The following RNF125 variants were observed in gnomAD, a reference collection of about 807,000 sequenced individuals.
RNF125 encodes ring finger protein 125, also known as E3 ubiquitin-protein ligase RNF125.
Under a neutral mutation model 26.0 loss-of-function variants are expected in RNF125, and 21 were observed. The observed-to-expected ratio is 0.81, with a 90% CI of 0.57 to 1.16. The LOEUF (loss-of-function observed/expected upper bound fraction) is 1.16, where lower values mean the gene tolerates loss of function less well. Among genes scored for constraint, RNF125 ranks in the 50% most tolerant of loss-of-function variants. The probability of loss-of-function intolerance (pLI) is 0.00; values close to 1 mark genes in which losing one functional copy is unlikely to be tolerated. For synonymous variants in RNF125, 95 were observed against 109.2 expected, an observed-to-expected ratio of 0.87 and a Z score of 0.81; for missense variants, 270 against 299.4, an observed-to-expected ratio of 0.90 and a Z score of 0.72.
chr18:32,036,542 A>G (rs1436636859), intron 1 of RNF125, among the ~76,000 whole-genome samples: 2 of 147,582 alleles, frequency 1.4e-5, no homozygotes, highest in South Asian at 2.2e-4. Flanking sequence ...ACCAGAGAAC[A>G]TATTTCTTGA....
the RNF125 span, among the ~76,000 whole-genome samples, chr18:32,078,389 G>C: frequency 2.0e-4 from 30 of 147,794 alleles, no homozygotes; most frequent in African/African-American, 7.0e-4. Flanking sequence ...GTTAAATAGT[G>C]GCACTTTTTG....
intron 4 of RNF125, among the ~76,000 whole-genome samples, chr18:32,051,987 C>G (rs192680038): frequency 7.9e-5 from 12 of 152,028 alleles, no homozygotes; most frequent in African/African-American, 2.4e-4. Context: ...CACGTCCAGC[C>G]TGAGTTCTAT....
chr18:32,042,147 AGT>A (rs1282013153), intron 2 of RNF125, 30 bp from the exon 3 acceptor site: 2 of 1,500,974 alleles, frequency 1.3e-6, no homozygotes, highest in East Asian at 2.3e-5. Context: ...CTTTTTTAAC[AGT>A]GAGTTTATTT....
chr18:32,079,452 T>C, the RNF125 span, among the ~76,000 whole-genome samples: 1 of 152,198 alleles, frequency 6.6e-6, no homozygotes, highest in Non-Finnish European at 1.5e-5. Flanking sequence ...GGCTAAAAAA[T>C]GGATGAGACT....
At chr18:32,028,729 T>A (rs912937845) in intron 1 of RNF125, among the ~76,000 whole-genome samples, 4 of 151,784 alleles carry the variant, frequency 2.6e-5, no homozygotes, top group Admixed American at 2.6e-4. Flanking sequence ...ATTTTTGTAT[T>A]TTTTAGTAGA....
chr18:32,031,118 C>T (rs2039089342), intron 1 of RNF125: 1 of 152,008 alleles, frequency 6.6e-6, no homozygotes, highest in Non-Finnish European at 1.5e-5. Context: ...CATGCTTGAA[C>T]TTTGGGGGGA....
At chr18:32,079,669 T>C in the RNF125 span, among the ~76,000 whole-genome samples, 7 of 152,216 alleles carry the variant, frequency 4.6e-5, no homozygotes, top group Admixed American at 4.6e-4. Context: ...TTACACAAGA[T>C]GTTCTTAATG....
intron 1 of RNF125, among the ~76,000 whole-genome samples, chr18:32,026,242 C>CTTTTTTTTTTTTT (rs1181390375): frequency 5.5e-5 from 4 of 73,140 alleles, no homozygotes; most frequent in Non-Finnish European, 9.7e-5. Context: ...AGCACCCGGT[C>CTTTTTTTTTTTTT]TTTTTTTTTT....
chr18:32,043,257 G>T (rs1598816278), intron 3 of RNF125, among the ~76,000 whole-genome samples: 1 of 152,126 alleles, frequency 6.6e-6, no homozygotes, highest in Non-Finnish European at 1.5e-5. Context: ...ACCAAATAAA[G>T]TGATCTGTGC....
At chr18:32,090,665 C>A in the RNF125 span, among the ~76,000 whole-genome samples, 1 of 152,156 alleles carries the variant, frequency 6.6e-6, no homozygotes, top group African/African-American at 2.4e-5. Flanking sequence ...TTGGCAAATA[C>A]CATTTTTTCT....
rs1013111266 is a variant in RNF125 at position 32,072,053 on chromosome 18, A to C, written c.*3669A>C. 6.6e-6 allele frequency: 1 copy of C among 152,198 alleles called. No individual in the cohort carries two copies. Among genetic ancestry groups the C allele is most frequent in the Non-Finnish European group, 1.5e-5 (1 of 68,156 alleles). 9.4% of individuals were successfully genotyped at this position (152,198 alleles called of 1,614,324 possible). A position where few individuals can be genotyped will look rare whatever the true frequency, so the allele number is the denominator to read the frequency against. On this transcript the variant is annotated 3_prime_UTR_variant, in exon 6 of 6. Coordinates refer to ENST00000217740, the MANE Select transcript of RNF125 (RefSeq NM_017831.4). ...AACAAAAACAAACAAACAAACAAAC[A>C]AAAAGCTGGGCATGATGCACACCTT...
At chr18:32,063,227 C>CA (rs34268640) in intron 4 of RNF125, among the ~76,000 whole-genome samples, 49,920 of 98,542 alleles carry the variant, frequency 0.51, 10,469 homozygotes, top group African/African-American at 0.59. Context: ...AACTCCATTT[C>CA]AAAAAAAAAA....
chr18:32,041,132 T>TA (rs2039212428), intron 2 of RNF125, among the ~76,000 whole-genome samples: 1 of 152,196 alleles, frequency 6.6e-6, no homozygotes, highest in African/African-American at 2.4e-5. Flanking sequence ...CACAAGATCT[T>TA]ATCAGAGTTT....
the RNF125 span, among the ~76,000 whole-genome samples, chr18:32,088,249 C>T: frequency 6.6e-6 from 1 of 152,162 alleles, no homozygotes; most frequent in African/African-American, 2.4e-5. Flanking sequence ...TGAGTGTCAA[C>T]ACTGCACATG....
chr18:32,053,869 T>C (rs528390997), intron 4 of RNF125, among the ~76,000 whole-genome samples: 1 of 152,044 alleles, frequency 6.6e-6, no homozygotes, highest in African/African-American at 2.4e-5. Flanking sequence ...GGTGTCTTAT[T>C]GAAAACCCTG....
chr18:32,033,958 C>A (rs2039125666), intron 1 of RNF125, among the ~76,000 whole-genome samples: 1 of 147,892 alleles, frequency 6.8e-6, no homozygotes, highest in African/African-American at 2.5e-5. Context: ...TGTGTGCTAA[C>A]AACATACCTT....
the RNF125 span, among the ~76,000 whole-genome samples, chr18:32,078,541 G>A: frequency 2.0e-5 from 3 of 151,902 alleles, no homozygotes; most frequent in Non-Finnish European, 2.9e-5. Context: ...TTGGGAGGCC[G>A]AGGCATGAGG....
At chr18:32,061,468 T>C (rs2039434428) in intron 4 of RNF125, among the ~76,000 whole-genome samples, 1 of 152,236 alleles carries the variant, frequency 6.6e-6, no homozygotes, top group Non-Finnish European at 1.5e-5. Flanking sequence ...TGAATAAATA[T>C]GGAGCAGAGC....
chr18:32,045,708 T>A lies in RNF125; in HGVS notation c.480T>A (p.His160Gln). 2 of 1,612,802 alleles carry A rather than the reference T, an allele frequency of 1.2e-6. No homozygotes were observed. The highest frequency in any genetic ancestry group is 8.5e-7 in the Non-Finnish European group (1 of 1,179,470). Residue 160 changes from histidine (H) to glutamine (Q), a missense_variant, in exon 4 of 6, where the codon CAT becomes CAA. By Grantham distance (24) the His-to-Gln change is conservative. Transcript: ENST00000217740. ...GCTTGCTGGATCATTGTATTACTCA[T>A]CACAGATCGGAACGGAGGCCTGTGG... Reference protein sequence around the residue: ...EDSLLDHCITHHRSERRPVFC... With the variant: ...EDSLLDHCITQHRSERRPVFC...
Sources: allele counts gnomAD v4.1 joint callset (sites outside exome capture counted in the v4.1 genomes callset), GRCh38; gene constraint gnomAD v4.1.1; transcripts MANE v1.5; gene names NCBI Gene and HGNC (gene_info 2026-07-23, HGNC 2026-07-21).